The following NFX1 variants were observed in gnomAD, a reference collection of about 807,000 sequenced individuals.
NFX1 encodes transcriptional repressor NF-X1.
A neutral mutation model predicts 137.2 loss-of-function variants in NFX1; 69 were observed. The ratio of observed to expected loss-of-function variants is 0.50; its 90% CI spans 0.41 to 0.61. The LOEUF is 0.61. Ranked by LOEUF, NFX1 falls within the 20% of genes least tolerant of loss-of-function variation. The pLI, the probability that NFX1 is intolerant of heterozygous loss-of-function variation, is 0.00. For missense variants in NFX1, 1,167 were observed against 1,391.0 expected (o/e 0.84, Z 2.56); for synonymous variants, 495 against 474.1 (o/e 1.04, Z -0.57).
chr9:33,290,551 G>A lies in NFX1; in HGVS notation c.-22G>A. The A allele has an allele frequency of 6.2e-7, 1 of 1,614,032 alleles. No homozygotes were observed. The highest frequency in any genetic ancestry group is 1.1e-5 in the South Asian group (1 of 91,078). On this transcript the variant is annotated 5_prime_UTR_variant, in exon 1 of 24. Coordinates refer to ENST00000379540, the MANE Select transcript of NFX1 (RefSeq NM_002504.6). ...CAGTGCTGACTTGGCTGTACAGCTCGATCTAGGTTCTGCGGCACGGGATGG... is the reference window on the plus strand; with the variant it reads ...CAGTGCTGACTTGGCTGTACAGCTCAATCTAGGTTCTGCGGCACGGGATGG...
At chr9:33,348,615 G>A (rs1823522571) in intron 15 of NFX1, 1 of 248,596 alleles carries the variant, frequency 4.0e-6, no homozygotes, top group Non-Finnish European at 6.4e-6. Flanking sequence ...ATGAGCATGT[G>A]CTGTTGGAAA....
chr9:33,359,601 C>CA lies in NFX1; in HGVS notation c.2874-4397dup, dbSNP rs77598372. Among the ~76,000 whole-genome samples, 1,238 of 139,664 alleles carry CA rather than the reference C, an allele frequency of 8.9e-3. 5 individuals carry two copies. Among genetic ancestry groups the CA allele is most frequent in the Non-Finnish European group, 0.012 (768 of 63,868 alleles). The allele number at this position is 139,664 out of a possible 152,430, so 91.6% of individuals were successfully genotyped here. On this transcript the variant is annotated intron_variant, in intron 19 of 23. Transcript: ENST00000379540. ...ACGATACAGCAAGACTCAGTCTCAC[C>CA]AAAAAAAAAAAATAGATGTTCCTGA...
At chr9:33,347,556 A>G (rs1191395290) in intron 15 of NFX1, 1 of 177,116 alleles carries the variant, frequency 5.6e-6, no homozygotes, top group Non-Finnish European at 1.2e-5. Flanking sequence ...ATGTGGTGAA[A>G]AGGGAACACT....
intron 19 of NFX1, among the ~76,000 whole-genome samples, chr9:33,359,216 C>T (rs1418571725): frequency 1.3e-5 from 2 of 150,876 alleles, no homozygotes; most frequent in African/African-American, 4.9e-5. Flanking sequence ...TTTTTTCCTT[C>T]TTTCCAATTC....
intron 17 of NFX1, 38 bp downstream of exon 17, chr9:33,352,757 G>A (rs760455623): frequency 6.6e-7 from 1 of 1,522,122 alleles, no homozygotes; most frequent in South Asian, 1.1e-5. Context: ...GATGGCCTAG[G>A]TGAAACAGAT....
chr9:33,329,225 G>A (rs1248414872), intron 10 of NFX1, among the ~76,000 whole-genome samples: 3 of 152,166 alleles, frequency 2.0e-5, no homozygotes, highest in Non-Finnish European at 2.9e-5. Context: ...TACTCTCTCC[G>A]CTTCAGTGTG....
intron 21 of NFX1, among the ~76,000 whole-genome samples, chr9:33,366,347 G>C (rs1436383023): frequency 6.6e-6 from 1 of 152,148 alleles, no homozygotes; most frequent in African/African-American, 2.4e-5. Context: ...CCATCAGGAA[G>C]AACCATTATG....
intron 7 of NFX1, among the ~76,000 whole-genome samples, chr9:33,316,255 G>GTCCT: frequency 6.6e-6 from 1 of 151,894 alleles, no homozygotes; most frequent in Non-Finnish European, 1.5e-5. Flanking sequence ...TATGTCATAT[G>GTCCT]GATCTGTAAT....
intron 9 of NFX1, among the ~76,000 whole-genome samples, 197 bp from the exon 10 acceptor site, chr9:33,328,384 G>A (rs772599798): frequency 3.3e-5 from 5 of 152,018 alleles, no homozygotes; most frequent in South Asian, 2.1e-4. Flanking sequence ...TCTAAGCTGG[G>A]CCCTGAAGTT....
chr9:33,358,896 G>A (rs1267679728), intron 19 of NFX1, among the ~76,000 whole-genome samples: 1 of 150,520 alleles, frequency 6.6e-6, no homozygotes, highest in South Asian at 2.1e-4. Context: ...ATGGCATCTC[G>A]CTATGTTGGC....
chr9:33,318,867 G>A (rs1382447024), intron 8 of NFX1, 37 bp downstream of exon 8: 1 of 1,613,946 alleles, frequency 6.2e-7, no homozygotes, highest in East Asian at 2.2e-5. Context: ...AACTAAAGCT[G>A]CACTTTATGC....
intron 7 of NFX1, 52 bp downstream of exon 7, chr9:33,313,845 T>C (rs746724780): frequency 6.4e-7 from 1 of 1,568,082 alleles, no homozygotes; most frequent in Non-Finnish European, 8.7e-7. Flanking sequence ...TCTGGAACCT[T>C]ATTAATGATT....
At chr9:33,338,635 C>A in intron 12 of NFX1, 46 bp downstream of exon 12, 1 of 1,501,580 alleles carries the variant, frequency 6.7e-7, no homozygotes, top group Non-Finnish European at 9.0e-7. Flanking sequence ...CATCCAGGTG[C>A]TGGGCTTCTG....
At chr9:33,320,652 T>C (rs1471510789) in intron 9 of NFX1, among the ~76,000 whole-genome samples, 1 of 152,224 alleles carries the variant, frequency 6.6e-6, no homozygotes, top group Non-Finnish European at 1.5e-5. Context: ...ACTCAGTCTT[T>C]TGGGAATGTA....
intron 7 of NFX1, among the ~76,000 whole-genome samples, 194 bp from the exon 8 acceptor site, chr9:33,318,537 G>T (rs935115876): frequency 6.6e-6 from 1 of 152,108 alleles, no homozygotes; most frequent in African/African-American, 2.4e-5. Context: ...AAGCTCTTAG[G>T]CGGGTCTTAG....
intron 9 of NFX1, among the ~76,000 whole-genome samples, chr9:33,322,320 A>G (rs1352699336): frequency 6.6e-6 from 1 of 152,062 alleles, no homozygotes; most frequent in Non-Finnish European, 1.5e-5. Flanking sequence ...TGTGGCATTG[A>G]GCCCTAGCTA....
chr9:33,342,927 G>C (rs570503483), intron 13 of NFX1, 73 bp downstream of exon 13: 1 of 977,168 alleles, frequency 1.0e-6, no homozygotes, highest in South Asian at 1.6e-5. Flanking sequence ...TTGAGAGATT[G>C]ATTTACTTAG....
At chr9:33,350,209 TAGG>T (rs1485960859) in intron 15 of NFX1, among the ~76,000 whole-genome samples, 1 of 146,588 alleles carries the variant, frequency 6.8e-6, no homozygotes, top group African/African-American at 2.5e-5. Flanking sequence ...GAGGCTGAGG[TAGG>T]AGAATCGCTT....
At chr9:33,343,596 G>C (rs1823304485) in intron 13 of NFX1, among the ~76,000 whole-genome samples, 1 of 152,116 alleles carries the variant, frequency 6.6e-6, no homozygotes, top group Non-Finnish European at 1.5e-5. Flanking sequence ...TTTTAGAAAG[G>C]ACTTGACTCG....
Sources: gnomAD v4.1 joint callset for allele counts (sites outside exome capture counted in the v4.1 genomes callset) on GRCh38, gnomAD v4.1.1 for gene constraint, MANE v1.5 for transcripts, NCBI Gene and HGNC (gene_info 2026-07-23, HGNC 2026-07-21) for gene names.